ATG10: variants seen among roughly 807,000 people sequenced by gnomAD.
The protein encoded by ATG10 is autophagy related 10, also known as ubiquitin-like-conjugating enzyme ATG10.
ATG10 carries 30 observed loss-of-function variants against 32.1 expected under a neutral mutation model. That is an observed-to-expected ratio of 0.94 (90% CI 0.70 to 1.27). ATG10 has a LOEUF of 1.27. Ranked by LOEUF, ATG10 falls within the 50% of genes most tolerant of loss-of-function variation. The pLI, the probability that ATG10 is intolerant of heterozygous loss-of-function variation, is 0.00. For missense variants in ATG10, 233 were observed against 262.3 expected, an observed-to-expected ratio of 0.89 and a Z score of 0.77; for synonymous variants, 87 against 91.5, an observed-to-expected ratio of 0.95 and a Z score of 0.28.
At chr5:82,033,527 C>T (rs896494925) in intron 2 of ATG10, among the ~76,000 whole-genome samples, 2 of 151,954 alleles carry the variant, frequency 1.3e-5, no homozygotes, top group Non-Finnish European at 2.9e-5. Flanking sequence ...TTGAAGCACC[C>T]TTCGCTTGGC....
intron 2 of ATG10, among the ~76,000 whole-genome samples, chr5:82,029,446 A>C (rs1337575002): frequency 2.0e-5 from 3 of 152,236 alleles, no homozygotes; most frequent in Non-Finnish European, 4.4e-5. Flanking sequence ...GTTAGAAAAC[A>C]TTGGACTGAA....
At chr5:82,251,739 T>C (rs1420486407) in intron 5 of ATG10, among the ~76,000 whole-genome samples, 2 of 152,178 alleles carry the variant, frequency 1.3e-5, no homozygotes, top group Non-Finnish European at 2.9e-5. Context: ...AGTGTTTTTG[T>C]TGGTAGAACT....
At chr5:81,992,214 T>A (rs1374773544) in intron 2 of ATG10, 5 of 151,572 alleles carry the variant, frequency 3.3e-5, no homozygotes, top group Admixed American at 3.3e-4. Context: ...GGTCTTGAAC[T>A]CCTGGGCTCA....
At chr5:82,044,455 A>T (rs563245736) in intron 2 of ATG10, among the ~76,000 whole-genome samples, 1 of 151,852 alleles carries the variant, frequency 6.6e-6, no homozygotes, top group Non-Finnish European at 1.5e-5. Context: ...CTATTGGCTG[A>T]TTTTTCCTTC....
chr5:82,137,219 A>G (rs968151139), intron 3 of ATG10, among the ~76,000 whole-genome samples: 1 of 152,106 alleles, frequency 6.6e-6, no homozygotes, highest in Admixed American at 6.5e-5. Flanking sequence ...CTGTAAATTC[A>G]TCAAACTCAT....
chr5:82,010,990 G>A (rs188180694), intron 2 of ATG10, among the ~76,000 whole-genome samples: 2 of 152,242 alleles, frequency 1.3e-5, no homozygotes, highest in Non-Finnish European at 2.9e-5. Context: ...GTCCAACTTG[G>A]AGCTAAAACT....
chr5:82,157,333 C>T (rs1043307362), intron 3 of ATG10, among the ~76,000 whole-genome samples: 2 of 152,124 alleles, frequency 1.3e-5, no homozygotes, highest in Non-Finnish European at 1.5e-5. Context: ...CTTATAACCA[C>T]CCTTTTTTGT....
At chr5:82,075,770 AC>A (rs1267218032) in intron 3 of ATG10, among the ~76,000 whole-genome samples, 1 of 152,132 alleles carries the variant, frequency 6.6e-6, no homozygotes, top group Non-Finnish European at 1.5e-5. Context: ...ATGCTGTCTC[AC>A]TAAAAATACA....
intron 3 of ATG10, among the ~76,000 whole-genome samples, chr5:82,161,696 A>AACACACACACACACACACACACACACAC (rs60780834): frequency 9.3e-5 from 12 of 129,662 alleles, no homozygotes; most frequent in East Asian, 2.3e-4. Context: ...TTAGAGAATA[A>AACACACACACACACACACACACACACAC]ACACACACAC....
chr5:82,131,683 G>A lies in ATG10; in HGVS notation c.217-32716G>A, dbSNP rs566072844. 1.1e-4 allele frequency among the ~76,000 whole-genome samples: 17 copies of A among 151,472 alleles called. No homozygotes were observed. In the South Asian group the frequency reaches 3.3e-3, roughly 30 times the overall value. ...TCACTTTCTAGCCCTGTGATCTAGG[G>A]TGAGATTGTCTGCCCTGTGCCTCTG... On this transcript the variant is annotated intron_variant, in intron 3 of 7. Transcript: ENST00000282185.
chr5:81,987,887 A>C (rs1761337204), intron 2 of ATG10, among the ~76,000 whole-genome samples: 1 of 152,208 alleles, frequency 6.6e-6, no homozygotes, highest in South Asian at 2.1e-4. Context: ...AGGCTAATGA[A>C]GTATTATTTT....
At chr5:82,047,123 AT>A (rs1331633824) in intron 2 of ATG10, among the ~76,000 whole-genome samples, 1 of 152,174 alleles carries the variant, frequency 6.6e-6, no homozygotes, top group East Asian at 1.9e-4. Flanking sequence ...GAGAAAAAAA[AT>A]AACTTTCGAT....
chr5:82,247,066 G>C (rs1747065991), intron 5 of ATG10, among the ~76,000 whole-genome samples: 1 of 152,198 alleles, frequency 6.6e-6, no homozygotes, highest in South Asian at 2.1e-4. Flanking sequence ...CTGTTTTTAA[G>C]ATTTTCTCCT....
intron 5 of ATG10, among the ~76,000 whole-genome samples, chr5:82,235,961 TTTTTG>T (rs1224098947): frequency 1.3e-5 from 2 of 152,206 alleles, no homozygotes; most frequent in Non-Finnish European, 2.9e-5. Context: ...TTGGCTTGCT[TTTTTG>T]TTTTGTTTTT....
chr5:82,062,148 A>G (rs1031204939), intron 3 of ATG10, among the ~76,000 whole-genome samples: 5 of 152,024 alleles, frequency 3.3e-5, no homozygotes, highest in Admixed American at 2.6e-4. Flanking sequence ...AAAAGAGTTT[A>G]TTTTCTACTA....
chr5:82,036,043 A>G (rs1762909405), intron 2 of ATG10, among the ~76,000 whole-genome samples: 1 of 152,010 alleles, frequency 6.6e-6, no homozygotes, highest in Non-Finnish European at 1.5e-5. Context: ...TATAATTTTA[A>G]TTTTTGTATT....
chr5:82,235,046 C>T (rs570099901), intron 5 of ATG10, among the ~76,000 whole-genome samples: 8 of 152,298 alleles, frequency 5.3e-5, no homozygotes, highest in Admixed American at 2.0e-4. Flanking sequence ...GCATCACACA[C>T]GTGAATTACC....
At chr5:82,033,792 T>C (rs1322432962) in intron 2 of ATG10, among the ~76,000 whole-genome samples, 1 of 151,560 alleles carries the variant, frequency 6.6e-6, no homozygotes, top group East Asian at 1.9e-4. Flanking sequence ...ATGTTTGTAC[T>C]ATATGTGTAT....
At chr5:82,128,056 T>G (rs1766352190) in intron 3 of ATG10, among the ~76,000 whole-genome samples, 1 of 152,166 alleles carries the variant, frequency 6.6e-6, no homozygotes, top group African/African-American at 2.4e-5. Flanking sequence ...TTGTCTCTTT[T>G]GATCTTTGTT....
Sources: allele counts gnomAD v4.1 joint callset (sites outside exome capture counted in the v4.1 genomes callset), GRCh38; gene constraint gnomAD v4.1.1; transcripts MANE v1.5; gene names NCBI Gene and HGNC (gene_info 2026-07-23, HGNC 2026-07-21).